Variants in RSPO4 observed in about 807,000 individuals in gnomAD.
RSPO4 encodes R-spondin-4.
RSPO4 carries 23 observed loss-of-function variants against 24.8 expected under a neutral mutation model. The observed-to-expected ratio is 0.93, with a 90% CI of 0.67 to 1.31. RSPO4 has a LOEUF of 1.31. RSPO4 is among the 40% of genes most tolerant of loss of function. The pLI is 0.00. For synonymous variants in RSPO4, 141 were observed against 127.4 expected (o/e 1.11, Z -0.72); for missense variants, 333 against 316.5 (o/e 1.05, Z -0.39).
chr20:980,445 T>G (rs1355955284), intron 1 of RSPO4, among the ~76,000 whole-genome samples: 1 of 152,076 alleles, frequency 6.6e-6, no homozygotes, highest in Non-Finnish European at 1.5e-5. Flanking sequence ...CCCTCTGCAT[T>G]CCTCATCCAT....
intron 1 of RSPO4, among the ~76,000 whole-genome samples, chr20:973,125 T>A (rs1440256529): frequency 6.6e-6 from 1 of 152,186 alleles, no homozygotes; most frequent in Admixed American, 6.5e-5. Flanking sequence ...TCTTAGAGCA[T>A]CTGTCCAGGG....
intron 1 of RSPO4, among the ~76,000 whole-genome samples, chr20:969,462 T>C (rs1984341204): frequency 6.6e-6 from 1 of 152,194 alleles, no homozygotes. Flanking sequence ...TGCCAGCATC[T>C]CATGCCCTGC....
intron 1 of RSPO4, among the ~76,000 whole-genome samples, chr20:998,977 C>T (rs983005167): frequency 2.7e-5 from 4 of 148,872 alleles, no homozygotes; most frequent in Admixed American, 1.3e-4. Flanking sequence ...GTCACTCTCT[C>T]TCGCTCTCTT....
intron 1 of RSPO4, among the ~76,000 whole-genome samples, chr20:978,320 G>C (rs1215045430): frequency 6.6e-6 from 1 of 152,214 alleles, no homozygotes; most frequent in Non-Finnish European, 1.5e-5. Context: ...CAGTTGTGGG[G>C]ATGCCATGAA....
chr20:985,370 T>C (rs1236197436), intron 1 of RSPO4, among the ~76,000 whole-genome samples: 1 of 152,152 alleles, frequency 6.6e-6, no homozygotes, highest in African/African-American at 2.4e-5. Flanking sequence ...TCAGCAGATA[T>C]TTCTTGAATA....
At chr20:967,637 A>T (rs2073206) in intron 2 of RSPO4, among the ~76,000 whole-genome samples, 12,581 of 151,936 alleles carry the variant, frequency 0.083, 850 homozygotes, top group East Asian at 0.22. Flanking sequence ...TTACAGCAAA[A>T]ATTAGAGCTT....
At chr20:979,568 C>T (rs1013667463) in intron 1 of RSPO4, among the ~76,000 whole-genome samples, 1 of 151,826 alleles carries the variant, frequency 6.6e-6, no homozygotes, top group African/African-American at 2.4e-5. Flanking sequence ...TGTCAGTCAC[C>T]TGTGCACTCC....
At chr20:994,844 G>A (rs1432544729) in intron 1 of RSPO4, among the ~76,000 whole-genome samples, 3 of 152,150 alleles carry the variant, frequency 2.0e-5, no homozygotes, top group East Asian at 3.9e-4. Flanking sequence ...GATTACAGGC[G>A]TGAGCCACTG....
chr20:993,685 TG>T (rs2122269848), intron 1 of RSPO4, among the ~76,000 whole-genome samples: 2 of 152,358 alleles, frequency 1.3e-5, no homozygotes, highest in East Asian at 3.8e-4. Context: ...GATGGAATCC[TG>T]GTTTTTGCCA....
rs1038983629 is a variant in RSPO4, at chr20:960,015, T to C, written c.*342A>G. On this transcript the variant is annotated 3_prime_UTR_variant, in exon 5 of 5. Transcript: ENST00000217260. ...CTCATGGTCCCTCTTAAAGTGTGTGTGAGAGGGAGACAAGAGGAGGGAGAG... is the reference window on the plus strand; with the variant it reads ...CTCATGGTCCCTCTTAAAGTGTGTGCGAGAGGGAGACAAGAGGAGGGAGAG... 7.9e-6 allele frequency: 3 copies of C among 378,698 alleles called. No homozygotes were observed. The highest frequency in any genetic ancestry group is 4.3e-5 in the Admixed American group (1 of 23,298). 23.5% of individuals were successfully genotyped at this position (378,698 alleles called of 1,614,324 possible).
intron 1 of RSPO4, among the ~76,000 whole-genome samples, chr20:979,875 C>T (rs371706146): frequency 1.8e-4 from 28 of 152,058 alleles, no homozygotes; most frequent in African/African-American, 2.7e-4. Flanking sequence ...TCCTCTCCCA[C>T]GTCGCTATGT....
At position 967,838 on chromosome 20, in the gene RSPO4, C is replaced by A. The variant is rs1984263415; in HGVS notation, c.268+112G>T. 8 of 1,121,702 alleles carry A rather than the reference C, an allele frequency of 7.1e-6. No individual in the cohort carries two copies. The Admixed American group carries it at 1.4e-4, about 19-fold the overall frequency. The allele number at this position is 1,121,702 out of a possible 1,614,324, so 69.5% of individuals were successfully genotyped here. A position where few individuals can be genotyped will look rare whatever the true frequency, so the allele number is the denominator to read the frequency against. On this transcript the variant is annotated intron_variant, in intron 2 of 4. Transcript: ENST00000217260. ...ACAGGCAGGTATCTCAGAGTCTGGG[C>A]TTAGACATGCACCTACTTCCCCTCT...
chr20:961,153 C>T (rs1983985675), intron 4 of RSPO4, among the ~76,000 whole-genome samples: 1 of 152,126 alleles, frequency 6.6e-6, no homozygotes, highest in African/African-American at 2.4e-5. Context: ...GCCCGCTGCC[C>T]AGGGAGTTCT....
chr20:966,748 G>A (rs1055282767), intron 3 of RSPO4, among the ~76,000 whole-genome samples: 1 of 152,146 alleles, frequency 6.6e-6, no homozygotes, highest in Non-Finnish European at 1.5e-5. Context: ...CCAGTTACTC[G>A]GGAGGCTGAG....
chr20:979,262 C>G (rs1984662742), intron 1 of RSPO4, among the ~76,000 whole-genome samples: 1 of 152,220 alleles, frequency 6.6e-6, no homozygotes, highest in South Asian at 2.1e-4. Flanking sequence ...CAAGACCACT[C>G]CCACCACAGG....
rs1983916641 is a variant in RSPO4 at position 959,521 on chromosome 20, T to G, written c.*836A>C. The stretch of plus-strand genomic sequence containing the variant: ...GCTGGGCAGGTGGATCCCCCAGCAG[T>G]GACAGCTCACCTGATCCGGCTTGGG... On this transcript the variant is annotated 3_prime_UTR_variant, in exon 5 of 5. Transcript: ENST00000217260. 6.6e-6 allele frequency: 1 copy of G among 152,478 alleles called. No individual in the cohort carries two copies. Among genetic ancestry groups the G allele is most frequent in the African/African-American group, 2.4e-5 (1 of 41,444 alleles). 9.4% of individuals were successfully genotyped at this position (152,478 alleles called of 1,614,324 possible). A position where few individuals can be genotyped will look rare whatever the true frequency, so the allele number is the denominator to read the frequency against.
In RSPO4 at chr20:964,695, T is replaced by TAC. The variant is rs149613212; in HGVS notation, c.410-577_410-576dup. On this transcript the variant is annotated intron_variant, in intron 3 of 4. Coordinates refer to ENST00000217260, the MANE Select transcript of RSPO4 (RefSeq NM_001029871.4). ...ACATATATACATGTATATATATATA[T>TAC]ACACACACACACACATATATATATA... Among the ~76,000 whole-genome samples, 527 of 148,638 alleles carry TAC rather than the reference T, an allele frequency of 3.5e-3. 1 individual carries two copies. Among genetic ancestry groups the TAC allele is most frequent in the African/African-American group, 0.012 (483 of 39,706 alleles).
At position 962,857 on chromosome 20, in the gene RSPO4, C is replaced by A. The variant is rs143279194; in HGVS notation, c.595+1078G>T. On this transcript the variant is annotated intron_variant, in intron 4 of 4. Coordinates refer to ENST00000217260, the MANE Select transcript of RSPO4 (RefSeq NM_001029871.4). ...GTCTACAGCTCCCTGGCTTTGTGAC[C>A]CTTAGGTGAGTGACTCAACCTTTCT... 2.0e-3 allele frequency among the ~76,000 whole-genome samples: 312 copies of A among 152,270 alleles called. 2 individuals are homozygous for A. The highest frequency in any genetic ancestry group is 7.1e-3 in the African/African-American group (295 of 41,546).
intron 1 of RSPO4, 113 bp from the exon 2 acceptor site, chr20:968,251 C>A: frequency 1.1e-6 from 1 of 918,162 alleles, no homozygotes; most frequent in South Asian, 1.4e-5. Context: ...ACATGGCCAC[C>A]CAAACAAAAG....
Sources: allele counts gnomAD v4.1 joint callset (sites outside exome capture counted in the v4.1 genomes callset), GRCh38; gene constraint gnomAD v4.1.1; transcripts MANE v1.5; gene names NCBI Gene and HGNC (gene_info 2026-07-23, HGNC 2026-07-21).